The following BCAS3 variants were observed in gnomAD, a reference collection of about 807,000 sequenced individuals.
BCAS3 encodes the protein BCAS3 microtubule associated cell migration factor, also known as BCAS4/BCAS3 fusion.
Under a neutral mutation model 116.1 loss-of-function variants are expected in BCAS3, and 53 were observed. The observed-to-expected ratio is 0.46, with a 90% confidence interval of 0.37 to 0.57. The LOEUF (loss-of-function observed/expected upper bound fraction) is 0.57, where lower values mean the gene tolerates loss of function less well. Among genes scored for constraint, BCAS3 ranks in the 20% least tolerant of loss-of-function variants. BCAS3 has a pLI of 0.00. For missense variants in BCAS3, 917 were observed against 1,165.4 expected (o/e 0.79, Z 3.10); for synonymous variants, 391 against 408.2 (o/e 0.96, Z 0.51).
rs576537016 is a variant in BCAS3 at position 61,041,252 on chromosome 17, A to C, written c.2029+360A>C. ...CTGTTTCTAACATGGAAAAAAAAAA[A>C]CCCCAAAACTTAGCACAGTTAAAAG... is the stretch of plus-strand genomic sequence containing the variant. On this transcript the variant is annotated intron_variant, in intron 19 of 23. Coordinates refer to ENST00000407086, the MANE Select transcript of BCAS3 (RefSeq NM_017679.5). The surrounding 1 kb of genome is among the most constrained non-coding windows in gnomAD (Gnocchi z 4.7). Among the ~76,000 whole-genome samples, 59 of 151,960 alleles carry C rather than the reference A, an allele frequency of 3.9e-4. No homozygotes were observed. Among genetic ancestry groups the C allele is most frequent in the Middle Eastern group, 6.8e-3 (2 of 294 alleles).
chr17:61,386,396 A>G (rs1030275207), intron 23 of BCAS3, among the ~76,000 whole-genome samples: 4 of 152,234 alleles, frequency 2.6e-5, no homozygotes, highest in Non-Finnish European at 1.5e-5. Flanking sequence ...GTGCAGGGTC[A>G]GACTGGACCC....
intron 13 of BCAS3, among the ~76,000 whole-genome samples, chr17:60,932,851 A>G (rs2059730875): frequency 6.6e-6 from 1 of 151,984 alleles, no homozygotes; most frequent in Non-Finnish European, 1.5e-5. Context: ...GATAACTAAA[A>G]CTGAAATATG....
intron 13 of BCAS3, among the ~76,000 whole-genome samples, chr17:60,940,826 G>A (rs1047707321): frequency 1.3e-5 from 2 of 152,134 alleles, no homozygotes; most frequent in African/African-American, 4.8e-5. Context: ...TAGTTCACAT[G>A]TGTGTATATG....
chr17:60,922,153 G>A (rs568343795), intron 12 of BCAS3, among the ~76,000 whole-genome samples: 1 of 151,940 alleles, frequency 6.6e-6, no homozygotes, highest in Non-Finnish European at 1.5e-5. Context: ...TTGAGACAGA[G>A]TCTTGCTCTG....
chr17:61,388,695 C>T lies in BCAS3; in HGVS notation c.2594-3282C>T, dbSNP rs549134725. On this transcript the variant is annotated intron_variant, in intron 23 of 23. Coordinates refer to ENST00000407086, the MANE Select transcript of BCAS3 (RefSeq NM_017679.5). The surrounding 1 kb of genome is among the most constrained non-coding windows in gnomAD (Gnocchi z 6.5). The stretch of plus-strand genomic sequence containing the variant: ...ACCCAACAGTAACAAAGCATGCGTT[C>T]GGGATGGAGGAAGGTAAGGCCACAC... 27 of 1,550,286 alleles carry T rather than the reference C, an allele frequency of 1.7e-5. No homozygotes were observed. In the African/African-American group the frequency reaches 1.9e-4, roughly 11 times the overall value.
Position 60,967,949 on chromosome 17 carries a change from TTTGTTGTTG to T in BCAS3, c.1221+20618_1221+20626del, listed in dbSNP as rs58004084. Among the ~76,000 whole-genome samples, 22 of 151,370 alleles carry T rather than the reference TTTGTTGTTG, an allele frequency of 1.5e-4. No individual in the cohort carries two copies. The highest frequency in any genetic ancestry group is 2.1e-4 in the South Asian group (1 of 4,814). On this transcript the variant is annotated intron_variant, in intron 14 of 23. Coordinates refer to ENST00000407086, the MANE Select transcript of BCAS3 (RefSeq NM_017679.5). The surrounding 1 kb of genome is among the most constrained non-coding windows in gnomAD (Gnocchi z 4.7). ...AATTTCTGAATTGCTTTTCTGTGTG[TTTGTTGTTG>T]TTGTTGTTGTTGTTGTTGTTTTGGA...
At chr17:60,853,374 G>A (rs75526180) in intron 7 of BCAS3, among the ~76,000 whole-genome samples, 4,607 of 152,228 alleles carry the variant, frequency 0.03, 180 homozygotes, top group East Asian at 0.092. Flanking sequence ...TATAAATTTA[G>A]TGGTGAACTG....
Position 61,040,838 on chromosome 17 carries a change from C to A in BCAS3, c.1975C>A (p.Pro659Thr). 6.2e-7 allele frequency: 1 copy of A among 1,614,120 alleles called. No homozygotes were observed. Among genetic ancestry groups the A allele is most frequent in the Non-Finnish European group, 8.5e-7 (1 of 1,180,004 alleles). Reference sequence around the variant, plus strand: ...GCAGCCACCGTTTAATGCAAACCACCCTCTGCTCCTCGCTGCAGATGCAGT... The same window carrying A: ...GCAGCCACCGTTTAATGCAAACCACACTCTGCTCCTCGCTGCAGATGCAGT... ...ELQPPFNANHPLLLAADAVQY... is the reference protein window; with the variant it reads ...ELQPPFNANHTLLLAADAVQY... The change falls in exon 19 of 24, where the codon CCT becomes ACT. Residue 659 changes from proline (P) to threonine (T), a missense_variant. Physicochemically the swap from Pro to Thr is conservative, Grantham distance 38. Around this residue, in one of 3 missense-constraint regions of BCAS3, gnomAD observed 807 missense variants for 1,026.0 expected, o/e 0.79. Transcript: ENST00000407086.
Position 61,099,113 on chromosome 17 carries a change from G to A in BCAS3, c.2425+14549G>A, listed in dbSNP as rs534064224. Among the ~76,000 whole-genome samples the A allele has an allele frequency of 9.2e-5, 14 of 152,124 alleles. No homozygotes were observed. In the South Asian group the frequency reaches 2.3e-3, roughly 25 times the overall value. On this transcript the variant is annotated intron_variant, in intron 22 of 23. Coordinates refer to ENST00000407086, the MANE Select transcript of BCAS3 (RefSeq NM_017679.5). ...CACTCCAGCCTGGGTGACAGAGTGA[G>A]ACTCTGTCTCAAAAAAAATAAAAGA...
Position 61,020,308 on chromosome 17 carries a change from G to A in BCAS3, c.1637+4407G>A, listed in dbSNP as rs932714594. Among the ~76,000 whole-genome samples, 3 of 152,112 alleles carry A rather than the reference G, an allele frequency of 2.0e-5. No individual in the cohort carries two copies. Among genetic ancestry groups the A allele is most frequent in the African/African-American group, 2.4e-5 (1 of 41,418 alleles). On this transcript the variant is annotated intron_variant, in intron 16 of 23. Coordinates refer to ENST00000407086, the MANE Select transcript of BCAS3 (RefSeq NM_017679.5). This position sits in a 1 kb window ranked among gnomAD's most constrained non-coding sequence, Gnocchi z 4.5. ...TGTCAGGGACCATCTGTCTCACTGC[G>A]AGACATACATGAGGCCAGTAGAACT...
chr17:61,243,244 A>G lies in BCAS3; in HGVS notation c.2426-125083A>G, dbSNP rs180676375. ...ATTTAATGTCTACACTGTGATGAGT[A>G]TGGAGATACGTATATACCTATCCAT... On this transcript the variant is annotated intron_variant, in intron 22 of 23. Transcript: ENST00000407086. This position sits in a 1 kb window ranked among gnomAD's most constrained non-coding sequence, Gnocchi z 5.6. Among the ~76,000 whole-genome samples, 1 of 152,322 alleles carries G rather than the reference A, an allele frequency of 6.6e-6. No individual in the cohort carries two copies. Among genetic ancestry groups the G allele is most frequent in the East Asian group, 1.9e-4 (1 of 5,182 alleles).
At chr17:60,772,815 G>T (rs148947229) in intron 6 of BCAS3, among the ~76,000 whole-genome samples, 299 of 152,288 alleles carry the variant, frequency 2.0e-3, no homozygotes, top group Non-Finnish European at 3.4e-3. Flanking sequence ...GGAAGTTGCA[G>T]TGAGCTGAGA....
At chr17:60,806,537 G>A (rs544899440) in intron 6 of BCAS3, among the ~76,000 whole-genome samples, 8 of 151,488 alleles carry the variant, frequency 5.3e-5, no homozygotes, top group South Asian at 2.1e-4. Flanking sequence ...GTGAGGTTGA[G>A]CATTTTTTCT....
At position 60,814,905 on chromosome 17, in the gene BCAS3, A is replaced by G. The variant is rs866135558; in HGVS notation, c.476+6829A>G. Among the ~76,000 whole-genome samples, 4 of 152,274 alleles carry G rather than the reference A, an allele frequency of 2.6e-5. No individual in the cohort carries two copies. The South Asian group carries it at 8.3e-4, about 32-fold the overall frequency. On this transcript the variant is annotated intron_variant, in intron 7 of 23. Coordinates refer to ENST00000407086, the MANE Select transcript of BCAS3 (RefSeq NM_017679.5). ...CCTGTGCCTTCTAGATTCCTCAAGG[A>G]TCTAGAACTAGAAATACCATTTGAT...
In BCAS3 at chr17:60,773,287, CT is replaced by C. The variant is rs1210680882; in HGVS notation, c.403+26030del. Reference sequence around the variant, plus strand: ...TTTGTATTATCTGACTCTTCAGGTCCTTTTTTTTTTTTTTTTTTTTTTGGGA... The same window carrying C: ...TTTGTATTATCTGACTCTTCAGGTCCTTTTTTTTTTTTTTTTTTTTTGGGA... On this transcript the variant is annotated intron_variant, in intron 6 of 23. Coordinates refer to ENST00000407086, the MANE Select transcript of BCAS3 (RefSeq NM_017679.5). Among the ~76,000 whole-genome samples the C allele has an allele frequency of 6.0e-3, 552 of 91,974 alleles. 1 individual carries two copies. Among genetic ancestry groups the C allele is most frequent in the African/African-American group, 0.021 (441 of 20,982 alleles). The allele number at this position is 91,974 out of a possible 152,430, so 60.3% of individuals were successfully genotyped here.
intron 7 of BCAS3, among the ~76,000 whole-genome samples, chr17:60,836,251 T>C (rs1192925966): frequency 6.6e-6 from 1 of 152,150 alleles, no homozygotes; most frequent in African/African-American, 2.4e-5. Flanking sequence ...ATACATTCTG[T>C]GGGGTTGGAT....
chr17:61,218,341 ATTC>A (rs1205085037), intron 22 of BCAS3, among the ~76,000 whole-genome samples: 2 of 152,122 alleles, frequency 1.3e-5, no homozygotes, highest in Non-Finnish European at 2.9e-5. Context: ...CTTACCTTAA[ATTC>A]TTCTATTAAA....
chr17:61,275,711 T>A (rs1043833183), intron 22 of BCAS3, among the ~76,000 whole-genome samples: 2 of 152,190 alleles, frequency 1.3e-5, no homozygotes, highest in Non-Finnish European at 2.9e-5. Flanking sequence ...TGAAGGAGAC[T>A]ATCTCATGAG....
chr17:61,191,973 G>A (rs1459806761), intron 22 of BCAS3, among the ~76,000 whole-genome samples: 1 of 151,914 alleles, frequency 6.6e-6, no homozygotes, highest in Non-Finnish European at 1.5e-5. Context: ...GTCCGGGCAT[G>A]GAGGCTCACA....
Sources: allele counts gnomAD v4.1 joint callset (sites outside exome capture counted in the v4.1 genomes callset), GRCh38; gene constraint gnomAD v4.1.1; regional missense constraint gnomAD v4.1.1; non-coding constraint Gnocchi (gnomAD v3.1); transcripts MANE v1.5; gene names NCBI Gene and HGNC (gene_info 2026-07-23, HGNC 2026-07-21).